LRP1: variants seen among roughly 807,000 people sequenced by gnomAD.
The protein encoded by LRP1 is LDL receptor related protein 1.
LRP1 carries 51 observed loss-of-function variants against 541.5 expected under a neutral mutation model. The observed-to-expected ratio is 0.09, with a 90% CI of 0.08 to 0.12. LRP1 has a LOEUF of 0.12. Ranked by LOEUF, LRP1 falls within the 10% of genes least tolerant of loss-of-function variation. The pLI is 1.00. For synonymous variants in LRP1, 2,219 were observed against 2,470.8 expected (o/e 0.90, Z 3.02); for missense variants, 3,878 against 6,376.2 (o/e 0.61, Z 13.34).
chr12:57,138,695 G>T, intron 2 of LRP1, 114 bp downstream of exon 2: 1 of 1,412,286 alleles, frequency 7.1e-7, no homozygotes, highest in Non-Finnish European at 9.7e-7. Flanking sequence ...CTTGCTCAGT[G>T]ATTGTATTTG....
chr12:57,143,537 C>T lies in LRP1; in HGVS notation c.329-142C>T, dbSNP rs1286548883. 5 of 988,726 alleles carry T rather than the reference C, an allele frequency of 5.1e-6. No homozygotes were observed. In the Admixed American group the frequency reaches 1.3e-4, roughly 25 times the overall value. 61.2% of individuals were successfully genotyped at this position (988,726 alleles called of 1,614,324 possible). ...CTTCACTTGTGAAATATGGTAGATG[C>T]TTCCTAAGGCCCTTCTGTCTCTGAC... is the stretch of plus-strand genomic sequence containing the variant. On this transcript the variant is annotated intron_variant, in intron 3 of 88. Transcript: ENST00000243077.
chr12:57,204,617 G>C lies in LRP1; in HGVS notation c.11072-10G>C. 6.2e-7 allele frequency: 1 copy of C among 1,613,622 alleles called. No homozygotes were observed. Among genetic ancestry groups the C allele is most frequent in the Non-Finnish European group, 8.5e-7 (1 of 1,179,814 alleles). Reference sequence around the variant, plus strand: ...CTAATTCTGGCTCTGTGTCCCCCTGGCTGCTGCAGCCCGGTTCGTGTGCCC... The same window carrying C: ...CTAATTCTGGCTCTGTGTCCCCCTGCCTGCTGCAGCCCGGTTCGTGTGCCC... On this transcript the variant is annotated splice_polypyrimidine_tract_variant and intron_variant, in intron 71 of 88. Coordinates refer to ENST00000243077, the MANE Select transcript of LRP1 (RefSeq NM_002332.3). This position sits in a 1 kb window ranked among gnomAD's most constrained non-coding sequence, Gnocchi z 5.3.
chr12:57,161,107 G>A lies in LRP1; in HGVS notation c.2194G>A (p.Asp732Asn). The change falls in exon 13 of 89, where the codon GAC becomes AAC. Residue 732 changes from aspartate to asparagine, a missense_variant. Coordinates refer to ENST00000243077, the MANE Select transcript of LRP1 (RefSeq NM_002332.3). ...RIETILLNGT[D>N]RKIVYEGPEL... ...CGAGACGATACTGCTCAATGGCACA[G>A]ACCGGAAGGTGGGCAGGCATGTGCC... 9 of 1,612,834 alleles carry A rather than the reference G, an allele frequency of 5.6e-6. No homozygotes were observed. The highest frequency in any genetic ancestry group is 7.6e-6 in the Non-Finnish European group (9 of 1,179,966).
intron 2 of LRP1, among the ~76,000 whole-genome samples, chr12:57,139,750 G>A (rs186072512): frequency 6.8e-4 from 104 of 152,256 alleles, no homozygotes; most frequent in East Asian, 2.3e-3. Context: ...ACACTCAAAT[G>A]TGGATGCAGA....
At position 57,178,728 on chromosome 12, in the gene LRP1, A is replaced by G. The variant is rs888622262; in HGVS notation, c.4606+125A>G. The G allele has an allele frequency of 2.6e-6, 4 of 1,529,072 alleles. No individual in the cohort carries two copies. Among genetic ancestry groups the G allele is most frequent in the African/African-American group, 2.7e-5 (2 of 73,188 alleles). The allele number at this position is 1,529,072 out of a possible 1,614,324, so 94.7% of individuals were successfully genotyped here. ...AAGTCTGTGCTGGGATGGCAGGGGT[A>G]GGCCGGCTGTTGACAGAGGCACTGT... On this transcript the variant is annotated intron_variant, in intron 27 of 88. Coordinates refer to ENST00000243077, the MANE Select transcript of LRP1 (RefSeq NM_002332.3). The surrounding 1 kb of genome is among the most constrained non-coding windows in gnomAD (Gnocchi z 5.8).
chr12:57,193,787 C>T, intron 47 of LRP1, 102 bp downstream of exon 47: 1 of 1,601,154 alleles, frequency 6.2e-7, no homozygotes, highest in South Asian at 1.1e-5. Flanking sequence ...TGGTTCAAGG[C>T]ACTCTGTGAC....
At chr12:57,181,107 C>A (rs1226754361) in intron 33 of LRP1, 50 bp from the exon 34 acceptor site, 7 of 1,591,944 alleles carry the variant, frequency 4.4e-6, no homozygotes, top group Non-Finnish European at 6.0e-6. Context: ...ACCCTGAGGT[C>A]CCAAGGAGGG....
At chr12:57,148,558 C>T (rs2035461852) in intron 6 of LRP1, among the ~76,000 whole-genome samples, 2 of 152,088 alleles carry the variant, frequency 1.3e-5, no homozygotes, top group South Asian at 2.1e-4. Flanking sequence ...TGCAGTCTAC[C>T]GACCCCAGCC....
chr12:57,147,799 C>G (rs1383912387), intron 6 of LRP1, among the ~76,000 whole-genome samples: 2 of 152,174 alleles, frequency 1.3e-5, no homozygotes, highest in Non-Finnish European at 2.9e-5. Flanking sequence ...TGAGTCAGAC[C>G]TGTTGTGGAG....
In LRP1 at chr12:57,185,287, A is replaced by T. The variant is rs996395893; in HGVS notation, c.6463+82A>T. 7.0e-6 allele frequency: 11 copies of T among 1,566,188 alleles called. No homozygotes were observed. In the Admixed American group the frequency reaches 1.9e-4, roughly 28 times the overall value. On this transcript the variant is annotated intron_variant, in intron 40 of 88. Transcript: ENST00000243077. This position sits in a 1 kb window ranked among gnomAD's most constrained non-coding sequence, Gnocchi z 4.9. ...AGTGCTCCCCAGGGAACCCAGTGTG[A>T]GAGGGCTGGGAGACAAGTTAGACCC...
chr12:57,202,449 C>T lies in LRP1; in HGVS notation c.10623C>T (p.Phe3541=). The change falls in exon 68 of 89, where the codon TTC becomes TTT. Residue 3541 remains phenylalanine (F), a synonymous_variant. Coordinates refer to ENST00000243077, the MANE Select transcript of LRP1 (RefSeq NM_002332.3). ...AACGCACCTGTGAGCCATACCAGTT[C>T]CGCTGCAAGAACAACCGCTGCGTGC... ...CDERTCEPYQ[F]RCKNNRCVPG... is the part of the protein sequence containing the mutation. The T allele has an allele frequency of 6.2e-7, 1 of 1,613,604 alleles. No individual in the cohort carries two copies. Among genetic ancestry groups the T allele is most frequent in the Non-Finnish European group, 8.5e-7 (1 of 1,179,978 alleles).
chr12:57,201,193 G>T lies in LRP1; in HGVS notation c.10345+40G>T. 1 of 1,611,460 alleles carries T rather than the reference G, an allele frequency of 6.2e-7. No individual in the cohort carries two copies. Among genetic ancestry groups the T allele is most frequent in the South Asian group, 1.1e-5 (1 of 90,824 alleles). ...TGGTGGTGGGCCGGTGGTGGGAGAT[G>T]ACACGGAAGCAGGGCAGGCAGAATC... On this transcript the variant is annotated intron_variant, in intron 65 of 88. Transcript: ENST00000243077. This position sits in a 1 kb window ranked among gnomAD's most constrained non-coding sequence, Gnocchi z 6.4.
chr12:57,187,897 G>A (rs1484948893), intron 42 of LRP1, among the ~76,000 whole-genome samples: 1 of 152,236 alleles, frequency 6.6e-6, no homozygotes, highest in African/African-American at 2.4e-5. Context: ...AACTGGCACA[G>A]GGCTGTATAC....
intron 6 of LRP1, chr12:57,146,820 A>G (rs375436652): frequency 1.3e-5 from 2 of 152,340 alleles, no homozygotes; most frequent in Non-Finnish European, 2.9e-5. Context: ...AGGGAACCCC[A>G]TGGCTGATGG....
At position 57,173,135 on chromosome 12, in the gene LRP1, T is replaced by A; in HGVS notation, c.3164-33T>A. ...GAGGAGGGCTGACCTGGGCAACCCC[T>A]CCCTCCTGAGGCCCTCCACTGTCCC... On this transcript the variant is annotated intron_variant, in intron 20 of 88. Transcript: ENST00000243077. This position sits in a 1 kb window ranked among gnomAD's most constrained non-coding sequence, Gnocchi z 4.7. 1 of 1,561,336 alleles carries A rather than the reference T, an allele frequency of 6.4e-7. No individual in the cohort carries two copies. Among genetic ancestry groups the A allele is most frequent in the Non-Finnish European group, 8.7e-7 (1 of 1,150,326 alleles).
chr12:57,200,007 C>G lies in LRP1; in HGVS notation c.9996C>G (p.Ser3332=), dbSNP rs752926666. The G allele has an allele frequency of 5.0e-6, 8 of 1,594,864 alleles. No homozygotes were observed. The highest frequency in any genetic ancestry group is 5.1e-6 in the Non-Finnish European group (6 of 1,174,376). The part of the protein sequence containing the change: ...YLGSDGRTCV[S]NCTASQFVCK... Reference sequence around the variant, plus strand: ...GCAGCGATGGGCGCACCTGTGTGTCCAACTGCACGGCTAGCCAGGTGAGGC... The same window carrying G: ...GCAGCGATGGGCGCACCTGTGTGTCGAACTGCACGGCTAGCCAGGTGAGGC... Residue 3332 remains serine (S), a synonymous_variant, in exon 62 of 89, where the codon TCC becomes TCG. Transcript: ENST00000243077.
chr12:57,183,759 C>A lies in LRP1; in HGVS notation c.5795-16C>A. 1 of 1,613,562 alleles carries A rather than the reference C, an allele frequency of 6.2e-7. No individual in the cohort carries two copies. Among genetic ancestry groups the A allele is most frequent in the Non-Finnish European group, 8.5e-7 (1 of 1,180,012 alleles). On this transcript the variant is annotated splice_polypyrimidine_tract_variant and intron_variant, in intron 35 of 88. Coordinates refer to ENST00000243077, the MANE Select transcript of LRP1 (RefSeq NM_002332.3). The surrounding 1 kb of genome is among the most constrained non-coding windows in gnomAD (Gnocchi z 6.1). ...TGCCTTATTGGGCATCCCCATGTCA[C>A]CTCCTCCACCTCCAGAAAATGACAC... is the stretch of plus-strand genomic sequence containing the variant.
chr12:57,202,543 T>TGGGGGGGCCC lies in LRP1; in HGVS notation c.10711+6_10711+7insGGGGGGGCCC. On this transcript the variant is annotated splice_region_variant and intron_variant, in intron 68 of 88. Coordinates refer to ENST00000243077, the MANE Select transcript of LRP1 (RefSeq NM_002332.3). ...CTCCGATGAAGAGAGCTGCAGTACGTCCCCACCCACCCAGCCCCGCATGAG... is the reference window on the plus strand; with the variant it reads ...CTCCGATGAAGAGAGCTGCAGTACGTGGGGGGGCCCCCCCACCCACCCAGCCCCGCATGAG... 6.6e-7 allele frequency: 1 copy of TGGGGGGGCCC among 1,523,636 alleles called. No individual in the cohort carries two copies. Among genetic ancestry groups the TGGGGGGGCCC allele is most frequent in the Non-Finnish European group, 8.9e-7 (1 of 1,124,814 alleles). The allele number at this position is 1,523,636 out of a possible 1,614,324, so 94.4% of individuals were successfully genotyped here.
chr12:57,192,733 A>C (rs2036440922), intron 44 of LRP1, 112 bp from the exon 45 acceptor site: 1 of 1,457,212 alleles, frequency 6.9e-7, no homozygotes, highest in Non-Finnish European at 9.5e-7. Context: ...GCCTGCCGTG[A>C]CTGAGCAGAG....
Sources: gnomAD v4.1 joint callset for allele counts (sites outside exome capture counted in the v4.1 genomes callset) on GRCh38, gnomAD v4.1.1 for gene constraint, Gnocchi (gnomAD v3.1) non-coding constraint, MANE v1.5 for transcripts, NCBI Gene and HGNC (gene_info 2026-07-23, HGNC 2026-07-21) for gene names.